Variants in EIF3K observed in about 807,000 individuals in gnomAD.
EIF3K encodes eIF-3 p28.
In EIF3K, 27 loss-of-function variants were observed where a neutral mutation model predicts 34.2. That is an observed-to-expected ratio of 0.79 (90% CI 0.58 to 1.09). The LOEUF is 1.09. EIF3K is among the 50% of genes least tolerant of loss of function. The pLI is 0.00. For missense variants in EIF3K, 232 were observed against 275.4 expected, an observed-to-expected ratio of 0.84 and a Z score of 1.11; for synonymous variants, 105 against 105.7, an observed-to-expected ratio of 0.99 and a Z score of 0.04.
intron 2 of EIF3K, among the ~76,000 whole-genome samples, chr19:38,623,772 G>A (rs763281740): frequency 6.6e-6 from 1 of 152,136 alleles, no homozygotes; most frequent in Non-Finnish European, 1.5e-5. Context: ...AGTTTAAACC[G>A]AGGCAGTCTG....
At chr19:38,626,131 G>C in intron 4 of EIF3K, 29 bp downstream of exon 4, 7 of 1,603,768 alleles carry the variant, frequency 4.4e-6, no homozygotes, top group Non-Finnish European at 6.0e-6. Context: ...AGGGGCAGGG[G>C]AGATGGCAGG....
In EIF3K at chr19:38,619,188, C is replaced by T. The variant is rs1568648190; in HGVS notation, c.-81C>T. 19 of 1,516,682 alleles carry T rather than the reference C, an allele frequency of 1.3e-5. No individual in the cohort carries two copies. The East Asian group carries it at 3.5e-4, about 28-fold the overall frequency. 94.0% of individuals were successfully genotyped at this position (1,516,682 alleles called of 1,614,324 possible). A position where few individuals can be genotyped will look rare whatever the true frequency, so the allele number is the denominator to read the frequency against. ...ACGACGTCGTTTCCGTTTCCACCAC[C>T]TCTTCCTGTTCCCGTCCTTGAGGAC... On this transcript the variant is annotated 5_prime_UTR_variant, in exon 1 of 8. Coordinates refer to ENST00000248342, the MANE Select transcript of EIF3K (RefSeq NM_013234.4).
chr19:38,634,599 C>CAAA lies in EIF3K; in HGVS notation c.500-384_500-382dup, dbSNP rs937490768. Among the ~76,000 whole-genome samples the CAAA allele has an allele frequency of 2.2e-5, 3 of 135,882 alleles. No homozygotes were observed. In the South Asian group the frequency reaches 6.9e-4, roughly 31 times the overall value. The allele number at this position is 135,882 out of a possible 152,430, so 89.1% of individuals were successfully genotyped here. ...AGCAACAAGAGCAAAAACTCCGTCT[C>CAAA]AAAAAAAAAAAAGTGTATTGTTTCT... On this transcript the variant is annotated intron_variant, in intron 6 of 7. Coordinates refer to ENST00000248342, the MANE Select transcript of EIF3K (RefSeq NM_013234.4).
In EIF3K at chr19:38,636,111, C is replaced by A. The variant is rs1480422251; in HGVS notation, c.626-778C>A. Reference sequence around the variant, plus strand: ...GCTGTGTCGGGGTTCTCAGTGAGAACTCCAGCAAAAGATTCTGTAGTGAGG... The same window carrying A: ...GCTGTGTCGGGGTTCTCAGTGAGAAATCCAGCAAAAGATTCTGTAGTGAGG... On this transcript the variant is annotated intron_variant, in intron 7 of 7. Coordinates refer to ENST00000248342, the MANE Select transcript of EIF3K (RefSeq NM_013234.4). Among the ~76,000 whole-genome samples the A allele has an allele frequency of 2.6e-5, 4 of 152,210 alleles. No individual in the cohort carries two copies. The South Asian group carries it at 6.2e-4, about 24-fold the overall frequency.
intron 2 of EIF3K, among the ~76,000 whole-genome samples, chr19:38,621,790 T>G (rs1468981783): frequency 2.6e-5 from 4 of 152,230 alleles, no homozygotes; most frequent in Admixed American, 2.6e-4. Flanking sequence ...TGTTTTGTTT[T>G]TGATATGGCT....
intron 4 of EIF3K, among the ~76,000 whole-genome samples, chr19:38,626,949 CGCCATCAT>C (rs1192622215): frequency 6.6e-6 from 1 of 152,054 alleles, no homozygotes; most frequent in African/African-American, 2.4e-5. Context: ...TACAGGCACA[CGCCATCAT>C]GCCCAACTAA....
chr19:38,626,622 A>G (rs1975956719), intron 4 of EIF3K, among the ~76,000 whole-genome samples: 1 of 152,150 alleles, frequency 6.6e-6, no homozygotes. Context: ...TGGGCAACAG[A>G]GCAAGACCCT....
At chr19:38,635,269 G>A in intron 7 of EIF3K, 151 bp downstream of exon 7, 1 of 1,140,714 alleles carries the variant, frequency 8.8e-7, no homozygotes, top group Non-Finnish European at 1.3e-6. Flanking sequence ...TTGTGTCTTG[G>A]GGCTCCCGCC....
intron 4 of EIF3K, among the ~76,000 whole-genome samples, chr19:38,631,242 G>C (rs1443440811): frequency 6.6e-6 from 1 of 152,180 alleles, no homozygotes; most frequent in Non-Finnish European, 1.5e-5. Context: ...AAGAGAAAAG[G>C]GGGCCCAGGG....
chr19:38,631,488 T>C (rs1447680158), intron 4 of EIF3K, among the ~76,000 whole-genome samples: 1 of 152,182 alleles, frequency 6.6e-6, no homozygotes, highest in Non-Finnish European at 1.5e-5. Context: ...TGAAGAGCAA[T>C]ATTGCTGCCC....
In EIF3K at chr19:38,635,009, G is replaced by A. The variant is rs141773032; in HGVS notation, c.516G>A (p.Val172=). 1,022 of 1,614,192 alleles carry A rather than the reference G, an allele frequency of 6.3e-4. 1 individual carries two copies. Among genetic ancestry groups the A allele is most frequent in the Non-Finnish European group, 8.1e-4 (950 of 1,180,046 alleles). The change falls in exon 7 of 8, where the codon GTG becomes GTA. Residue 172 remains valine (V), a synonymous_variant. Coordinates refer to ENST00000248342, the MANE Select transcript of EIF3K (RefSeq NM_013234.4). Reference sequence around the variant, plus strand: ...CACCTGCAGACAGCCAGCTAAAGGTGTGGATGAGCAAATACGGCTGGAGTG... The same window carrying A: ...CACCTGCAGACAGCCAGCTAAAGGTATGGATGAGCAAATACGGCTGGAGTG... ...LGDLSDSQLK[V]WMSKYGWSAD...
Position 38,632,528 on chromosome 19 carries a change from G to A in EIF3K, c.421+32G>A, listed in dbSNP as rs543573893. The A allele has an allele frequency of 5.6e-6, 9 of 1,614,026 alleles. No individual in the cohort carries two copies. In the South Asian group the frequency reaches 7.7e-5, roughly 14 times the overall value. On this transcript the variant is annotated intron_variant, in intron 5 of 7. Coordinates refer to ENST00000248342, the MANE Select transcript of EIF3K (RefSeq NM_013234.4). Reference sequence around the variant, plus strand: ...CCCTCTCTGAGGCTGGGCTCCCCAAGGGGAAGGGGTAGGGAGTGGCAGCCA... The same window carrying A: ...CCCTCTCTGAGGCTGGGCTCCCCAAAGGGAAGGGGTAGGGAGTGGCAGCCA...
At chr19:38,620,934 G>A (rs1975826434) in intron 2 of EIF3K, among the ~76,000 whole-genome samples, 1 of 149,546 alleles carries the variant, frequency 6.7e-6, no homozygotes, top group South Asian at 2.1e-4. Context: ...GGCCGCAGGG[G>A]CTCATGCCTG....
chr19:38,620,973 G>A (rs542095800), intron 2 of EIF3K, among the ~76,000 whole-genome samples: 3 of 151,922 alleles, frequency 2.0e-5, no homozygotes, highest in Admixed American at 6.6e-5. Context: ...AGGCTGAGGC[G>A]AGAGACTCAC....
rs752032430 is a variant in EIF3K at position 38,626,052 on chromosome 19, A to G, written c.304A>G (p.Ile102Val). Residue 102 changes from isoleucine to valine, a missense_variant, in exon 4 of 8, where the codon ATT becomes GTT. Physicochemically the swap from Ile to Val is conservative, Grantham distance 29. Coordinates refer to ENST00000248342, the MANE Select transcript of EIF3K (RefSeq NM_013234.4). ...GCAAGAAGAACGGCCAATCCGACAG[A>G]TTTTGTACCTCGGGGACCTGCTGGA... Reference protein sequence around the residue: ...AHQEERPIRQILYLGDLLETC... With the variant: ...AHQEERPIRQVLYLGDLLETC... 23 of 1,614,022 alleles carry G rather than the reference A, an allele frequency of 1.4e-5. No homozygotes were observed. The highest frequency in any genetic ancestry group is 1.9e-5 in the Non-Finnish European group (23 of 1,180,034).
intron 2 of EIF3K, 149 bp from the exon 3 acceptor site, chr19:38,623,928 G>A: frequency 4.8e-6 from 6 of 1,257,694 alleles, no homozygotes; most frequent in Non-Finnish European, 4.5e-6. Context: ...GGGAGGTGAA[G>A]GTTACACAGC....
At chr19:38,632,537 G>T (rs766842735) in intron 5 of EIF3K, 41 bp downstream of exon 5, 1 of 1,613,690 alleles carries the variant, frequency 6.2e-7, no homozygotes, top group South Asian at 1.1e-5. Flanking sequence ...AGGGGAAGGG[G>T]TAGGGAGTGG....
At chr19:38,625,908 CT>C in intron 3 of EIF3K, 119 bp from the exon 4 acceptor site, 1 of 916,894 alleles carries the variant, frequency 1.1e-6, no homozygotes, top group Non-Finnish European at 1.8e-6. Flanking sequence ...CCTTTTCCAG[CT>C]GTTTTTCTGA....
Position 38,624,086 on chromosome 19 carries a change from C to A in EIF3K, c.168C>A (p.Phe56Leu). The A allele has an allele frequency of 6.2e-7, 1 of 1,614,110 alleles. No individual in the cohort carries two copies. The highest frequency in any genetic ancestry group is 8.5e-7 in the Non-Finnish European group (1 of 1,179,996). ...TTGTTCTTTTTCTTAGGTACCAGTTCAACCCAGCCTTCTTTCAGACCACGG... is the reference window on the plus strand; with the variant it reads ...TTGTTCTTTTTCTTAGGTACCAGTTAAACCCAGCCTTCTTTCAGACCACGG... ...ANLAVLKLYQ[F>L]NPAFFQTTVT... The change falls in exon 3 of 8, where the codon TTC becomes TTA. Residue 56 changes from phenylalanine to leucine, a missense_variant. Transcript: ENST00000248342.
Sources: gnomAD v4.1 joint callset for allele counts (sites outside exome capture counted in the v4.1 genomes callset) on GRCh38, gnomAD v4.1.1 for gene constraint, MANE v1.5 for transcripts, NCBI Gene and HGNC (gene_info 2026-07-23, HGNC 2026-07-21) for gene names.